The following FTCDNL1 variants were observed in gnomAD, a reference collection of about 807,000 sequenced individuals.
FTCDNL1 encodes formiminotransferase N-terminal subdomain-containing protein.
Under a neutral mutation model 5.9 loss-of-function variants are expected in FTCDNL1, and 11 were observed. The ratio of observed to expected loss-of-function variants is 1.87; its 90% confidence interval spans 1.18 to 3.10. The LOEUF (loss-of-function observed/expected upper bound fraction) is 3.10. Among genes scored for constraint, FTCDNL1 ranks in the 30% most tolerant of loss-of-function variants. The probability of loss-of-function intolerance (pLI) is 0.00; values close to 1 mark genes in which losing one functional copy is unlikely to be tolerated. For synonymous variants in FTCDNL1, 58 were observed against 24.8 expected, an observed-to-expected ratio of 2.34 and a Z score of -3.99; for missense variants, 115 against 65.5, an observed-to-expected ratio of 1.76 and a Z score of -2.61.
the FTCDNL1 span, among the ~76,000 whole-genome samples, chr2:199,747,833 T>C: frequency 6.6e-6 from 1 of 152,190 alleles, no homozygotes; most frequent in Non-Finnish European, 1.5e-5. Flanking sequence ...TTAAAATTTA[T>C]ACAAGAAAAG....
the FTCDNL1 span, among the ~76,000 whole-genome samples, chr2:199,691,295 C>T: frequency 6.6e-6 from 1 of 152,340 alleles, no homozygotes; most frequent in Admixed American, 6.5e-5. Context: ...GCCTCAGCCT[C>T]CCAAGTAGCT....
the FTCDNL1 span, among the ~76,000 whole-genome samples, chr2:199,681,434 C>T: frequency 1.5e-3 from 233 of 151,812 alleles, no homozygotes; most frequent in African/African-American, 5.3e-3. Context: ...CCAGCCTGGG[C>T]AACAAGAGTG....
the FTCDNL1 span, among the ~76,000 whole-genome samples, chr2:199,718,308 C>G: frequency 3.9e-5 from 6 of 152,260 alleles, no homozygotes; most frequent in African/African-American, 1.4e-4. Context: ...ATTTGACTTT[C>G]TGTTTCTGAG....
chr2:199,756,040 T>C (rs6759018), downstream of FTCDNL1, among the ~76,000 whole-genome samples: 78,718 of 152,046 alleles, frequency 0.52, 23,497 homozygotes, highest in Non-Finnish European at 0.66. Context: ...TGTGGTAAAA[T>C]GAAGAGGTTT....
intron 3 of FTCDNL1, among the ~76,000 whole-genome samples, chr2:199,772,314 G>A (rs886545974): frequency 1.4e-4 from 21 of 152,236 alleles, no homozygotes; most frequent in Admixed American, 8.5e-4. Flanking sequence ...TTGCACCACC[G>A]TTGACTAACA....
the FTCDNL1 span, among the ~76,000 whole-genome samples, chr2:199,735,041 G>A: frequency 2.7e-3 from 385 of 141,248 alleles, 4 homozygotes; most frequent in Non-Finnish European, 7.1e-4. Flanking sequence ...GTCTCAAAAC[G>A]CATATCAAGG....
At chr2:199,713,314 A>ATT in the FTCDNL1 span, among the ~76,000 whole-genome samples, 6 of 151,478 alleles carry the variant, frequency 4.0e-5, no homozygotes, top group African/African-American at 1.5e-4. Context: ...CAAATGAAAC[A>ATT]TTTTTTTTTG....
At chr2:199,756,543 T>C (rs1171041809), downstream of FTCDNL1, among the ~76,000 whole-genome samples, 3 of 152,220 alleles carry the variant, frequency 2.0e-5, no homozygotes, top group Admixed American at 2.0e-4. Flanking sequence ...TATGTTAACC[T>C]GGCCAAATAC....
At chr2:199,760,140 G>A (rs558723196), downstream of FTCDNL1, among the ~76,000 whole-genome samples, 4 of 151,442 alleles carry the variant, frequency 2.6e-5, no homozygotes, top group South Asian at 8.4e-4. Flanking sequence ...AGAGAAATCT[G>A]AATAAACCAG....
chr2:199,769,240 T>C (rs986155235), intron 3 of FTCDNL1, among the ~76,000 whole-genome samples: 2 of 152,162 alleles, frequency 1.3e-5, no homozygotes, highest in Non-Finnish European at 2.9e-5. Context: ...GTGATGTGGT[T>C]TGGCTGTGTT....
the FTCDNL1 span, among the ~76,000 whole-genome samples, chr2:199,715,647 A>G: frequency 2.0e-5 from 3 of 152,172 alleles, no homozygotes; most frequent in Non-Finnish European, 2.9e-5. Context: ...CACACAATAA[A>G]TTATCCATTG....
intron 4 of FTCDNL1, among the ~76,000 whole-genome samples, chr2:199,817,647 G>T (rs1701430615): frequency 6.6e-6 from 1 of 151,806 alleles, no homozygotes; most frequent in Admixed American, 6.6e-5. Flanking sequence ...GAAGGATGAG[G>T]TGGGGGAATC....
chr2:199,760,827 G>A (rs562834390), exon 4 of FTCDNL1: 59 of 702,346 alleles, frequency 8.4e-5, no homozygotes, highest in South Asian at 5.3e-4. Context: ...GCTTGGTTGC[G>A]CTTGTCCACT....
chr2:199,677,414 G>T, the FTCDNL1 span, among the ~76,000 whole-genome samples: 1 of 152,142 alleles, frequency 6.6e-6, no homozygotes, highest in Non-Finnish European at 1.5e-5. Flanking sequence ...AGAAAAAAGT[G>T]ATCATGCCAT....
chr2:199,672,610 T>G, the FTCDNL1 span, among the ~76,000 whole-genome samples: 11 of 152,132 alleles, frequency 7.2e-5, no homozygotes, highest in Admixed American at 6.5e-4. Context: ...GGGATTGAGG[T>G]CATCTTGAAG....
chr2:199,752,214 G>A, the FTCDNL1 span, among the ~76,000 whole-genome samples: 1 of 152,122 alleles, frequency 6.6e-6, no homozygotes, highest in African/African-American at 2.4e-5. Flanking sequence ...TGGAGCTGAG[G>A]CTGCCTCCCC....
chr2:199,836,575 C>T (rs1702758114), intron 3 of FTCDNL1, among the ~76,000 whole-genome samples: 1 of 152,062 alleles, frequency 6.6e-6, no homozygotes, highest in Admixed American at 6.5e-5. Flanking sequence ...TGAAACCAGC[C>T]TGGGCAACAC....
intron 3 of FTCDNL1, 143 bp downstream of exon 3, chr2:199,845,932 A>T (rs1375078148): frequency 4.8e-6 from 2 of 416,368 alleles, no homozygotes; most frequent in Non-Finnish European, 8.5e-6. Flanking sequence ...CAGAAAAATG[A>T]TTAAGTGTAG....
chr2:199,700,769 C>T, the FTCDNL1 span, among the ~76,000 whole-genome samples: 1 of 152,130 alleles, frequency 6.6e-6, no homozygotes, highest in African/African-American at 2.4e-5. Context: ...GACAAATTGA[C>T]AATAACAAGC....
Sources: gnomAD v4.1 joint callset for allele counts (sites outside exome capture counted in the v4.1 genomes callset) on GRCh38, gnomAD v4.1.1 for gene constraint, MANE v1.5 for transcripts, NCBI Gene and HGNC (gene_info 2026-07-23, HGNC 2026-07-21) for gene names.